The following SLC25A21 variants were observed in gnomAD, a reference collection of about 807,000 sequenced individuals.
SLC25A21 encodes the protein mitochondrial 2-oxodicarboxylate carrier.
SLC25A21 carries 47 observed loss-of-function variants against 43.8 expected under a neutral mutation model. That is an observed-to-expected ratio of 1.07 (90% CI 0.85 to 1.37). The LOEUF is 1.37. Ranked by LOEUF, SLC25A21 falls within the 40% of genes most tolerant of loss-of-function variation. SLC25A21 has a pLI of 0.00. For synonymous variants in SLC25A21, 131 were observed against 121.3 expected (o/e 1.08, Z -0.52); for missense variants, 352 against 350.2 (o/e 1.00, Z -0.04).
chr14:36,921,755 G>A (rs1481987882), intron 1 of SLC25A21, among the ~76,000 whole-genome samples: 1 of 152,154 alleles, frequency 6.6e-6, no homozygotes, highest in Non-Finnish European at 1.5e-5. Flanking sequence ...GTTTACACAA[G>A]TATGCTCATT....
Position 36,843,940 on chromosome 14 carries a change from C to G in SLC25A21, c.120-29939G>C, listed in dbSNP as rs1377994165. ...ACCTGTTGTCTTTCAAGACATTGACCTGTTTGAAGAATGCAGATCAGTTAT... is the reference window on the plus strand; with the variant it reads ...ACCTGTTGTCTTTCAAGACATTGACGTGTTTGAAGAATGCAGATCAGTTAT... On this transcript the variant is annotated intron_variant, in intron 2 of 9. Coordinates refer to ENST00000331299, the MANE Select transcript of SLC25A21 (RefSeq NM_030631.4). Among the ~76,000 whole-genome samples, 4 of 152,110 alleles carry G rather than the reference C, an allele frequency of 2.6e-5. No homozygotes were observed. The East Asian group carries it at 7.7e-4, about 29-fold the overall frequency.
chr14:36,873,848 A>C (rs1890444005), intron 2 of SLC25A21, among the ~76,000 whole-genome samples: 1 of 152,176 alleles, frequency 6.6e-6, no homozygotes, highest in Non-Finnish European at 1.5e-5. Context: ...TACAGCAAGA[A>C]GGAGGCCCTC....
chr14:36,857,654 C>T (rs1392999881), intron 2 of SLC25A21, among the ~76,000 whole-genome samples: 1 of 152,204 alleles, frequency 6.6e-6, no homozygotes, highest in East Asian at 1.9e-4. Context: ...CCTCCTGCGT[C>T]CTTCAGGGAA....
chr14:37,141,597 C>T (rs544853602), intron 1 of SLC25A21, among the ~76,000 whole-genome samples: 8 of 152,032 alleles, frequency 5.3e-5, no homozygotes, highest in African/African-American at 1.9e-4. Context: ...TTTGAGTTAC[C>T]GGCTATTTTA....
chr14:36,766,033 T>C (rs950221840), intron 3 of SLC25A21, among the ~76,000 whole-genome samples: 1 of 150,238 alleles, frequency 6.7e-6, no homozygotes, highest in Admixed American at 6.6e-5. Context: ...ATTCCCTTCT[T>C]TTTTTTTTGA....
chr14:37,020,079 CTAAAGT>C (rs1415466772), intron 1 of SLC25A21, among the ~76,000 whole-genome samples: 1 of 151,668 alleles, frequency 6.6e-6, no homozygotes, highest in African/African-American at 2.4e-5. Context: ...CAAATACATT[CTAAAGT>C]TAAACTCTTA....
At chr14:36,802,107 T>C (rs1566627688) in intron 3 of SLC25A21, among the ~76,000 whole-genome samples, 1 of 152,218 alleles carries the variant, frequency 6.6e-6, no homozygotes, top group East Asian at 1.9e-4. Context: ...TCTGGGGTTA[T>C]AGATAAATTA....
At chr14:37,166,129 A>T (rs1964026451) in intron 1 of SLC25A21, among the ~76,000 whole-genome samples, 1 of 152,218 alleles carries the variant, frequency 6.6e-6, no homozygotes, top group Non-Finnish European at 1.5e-5. Flanking sequence ...AGGATGCACA[A>T]ATCACGGAGC....
At chr14:36,944,631 T>C (rs887349041) in intron 1 of SLC25A21, among the ~76,000 whole-genome samples, 10 of 152,200 alleles carry the variant, frequency 6.6e-5, no homozygotes, top group African/African-American at 2.4e-4. Context: ...GAATGTCCTA[T>C]TCAATACACA....
chr14:36,856,852 C>T (rs559377712), intron 2 of SLC25A21, among the ~76,000 whole-genome samples: 8 of 152,204 alleles, frequency 5.3e-5, no homozygotes, highest in Admixed American at 1.3e-4. Context: ...ATGGAAAGAA[C>T]GAATGAGAGC....
chr14:37,001,827 C>T (rs1046883401), intron 1 of SLC25A21, among the ~76,000 whole-genome samples: 8 of 152,036 alleles, frequency 5.3e-5, no homozygotes, highest in African/African-American at 1.9e-4. Context: ...AACATCTTTT[C>T]CACTTTGCAC....
At chr14:36,978,090 T>C (rs963087504) in intron 1 of SLC25A21, among the ~76,000 whole-genome samples, 2 of 152,152 alleles carry the variant, frequency 1.3e-5, no homozygotes, top group Non-Finnish European at 2.9e-5. Context: ...GCTATTAATA[T>C]ATAAGTGATT....
chr14:36,764,312 T>C (rs372326267), intron 3 of SLC25A21, among the ~76,000 whole-genome samples: 1 of 151,748 alleles, frequency 6.6e-6, no homozygotes, highest in African/African-American at 2.4e-5. Context: ...TTGCCTTTCA[T>C]TGAGATGGCT....
chr14:36,775,138 C>T (rs1027339030), intron 3 of SLC25A21, among the ~76,000 whole-genome samples: 8 of 152,098 alleles, frequency 5.3e-5, no homozygotes, highest in African/African-American at 1.9e-4. Context: ...TCTGTAATTG[C>T]TTATTTCCAA....
chr14:37,014,994 G>A (rs1207807748), intron 1 of SLC25A21, among the ~76,000 whole-genome samples: 1 of 151,942 alleles, frequency 6.6e-6, no homozygotes, highest in Non-Finnish European at 1.5e-5. Context: ...TGTCATCCAG[G>A]CTTTGTTGTT....
chr14:36,988,126 G>T (rs1960186149), intron 1 of SLC25A21, among the ~76,000 whole-genome samples: 2 of 152,166 alleles, frequency 1.3e-5, no homozygotes, highest in Non-Finnish European at 2.9e-5. Flanking sequence ...TCTGCCATTT[G>T]ACATACCTGT....
chr14:36,785,383 G>A (rs190811752), intron 3 of SLC25A21, among the ~76,000 whole-genome samples: 7 of 152,240 alleles, frequency 4.6e-5, no homozygotes, highest in Admixed American at 3.3e-4. Context: ...ATAGTCTAAC[G>A]CATCCCTCTG....
chr14:37,039,830 A>G (rs991421000), intron 1 of SLC25A21, among the ~76,000 whole-genome samples: 2 of 152,110 alleles, frequency 1.3e-5, no homozygotes, highest in African/African-American at 4.8e-5. Flanking sequence ...GAGGTTTGGG[A>G]GCCTTATTAA....
At chr14:37,132,731 C>T (rs1052803762) in intron 1 of SLC25A21, among the ~76,000 whole-genome samples, 1 of 140,588 alleles carries the variant, frequency 7.1e-6, no homozygotes, top group Non-Finnish European at 1.6e-5. Context: ...TCTCTCATAG[C>T]TATATTTTTT....
Sources: allele counts gnomAD v4.1 joint callset (sites outside exome capture counted in the v4.1 genomes callset), GRCh38; gene constraint gnomAD v4.1.1; transcripts MANE v1.5; gene names NCBI Gene and HGNC (gene_info 2026-07-23, HGNC 2026-07-21).